PCNX2: variants seen among roughly 807,000 people sequenced by gnomAD.
The protein encoded by PCNX2 is pecanex 2, also known as pecanex-like protein 2.
A neutral mutation model predicts 223.8 loss-of-function variants in PCNX2; 168 were observed. The observed-to-expected ratio is 0.75, with a 90% CI of 0.66 to 0.85. PCNX2 has a LOEUF of 0.85. Ranked by LOEUF, PCNX2 falls within the 40% of genes least tolerant of loss-of-function variation. The pLI, the probability that PCNX2 is intolerant of heterozygous loss-of-function variation, is 0.00. For synonymous variants in PCNX2, 1,006 were observed against 1,052.6 expected (o/e 0.96, Z 0.86); for missense variants, 2,507 against 2,675.5 (o/e 0.94, Z 1.39).
chr1:233,295,284 T>A lies in PCNX2; in HGVS notation c.153+42A>T, dbSNP rs148084496. 7,207 of 1,561,734 alleles carry A rather than the reference T, an allele frequency of 4.6e-3. 28 individuals are homozygous for A. The highest frequency in any genetic ancestry group is 6.1e-3 in the Admixed American group (319 of 52,526). Reference sequence around the variant, plus strand: ...CTGTGGTTCCTTTCTCCTTCTTCCCTCCATACCCACAGCTCCCCGGGACCG... The same window carrying A: ...CTGTGGTTCCTTTCTCCTTCTTCCCACCATACCCACAGCTCCCCGGGACCG... On this transcript the variant is annotated intron_variant, in intron 1 of 33. Coordinates refer to ENST00000258229, the MANE Select transcript of PCNX2 (RefSeq NM_014801.4). The surrounding 1 kb of genome is among the most constrained non-coding windows in gnomAD (Gnocchi z 4.1).
chr1:233,087,852 C>G (rs1353617742), intron 23 of PCNX2, among the ~76,000 whole-genome samples: 1 of 152,114 alleles, frequency 6.6e-6, no homozygotes, highest in African/African-American at 2.4e-5. Context: ...TTGTACATAC[C>G]CACAGACCCT....
At chr1:233,161,180 C>A in intron 18 of PCNX2, 91 bp downstream of exon 18, 5 of 1,190,458 alleles carry the variant, frequency 4.2e-6, no homozygotes, top group Non-Finnish European at 6.1e-6. Flanking sequence ...CTCTGGCTCA[C>A]GTGTCTTGTC....
At chr1:233,186,760 G>C (rs930527053) in intron 15 of PCNX2, among the ~76,000 whole-genome samples, 1 of 152,170 alleles carries the variant, frequency 6.6e-6, no homozygotes, top group Non-Finnish European at 1.5e-5. Context: ...ATATGTTTAT[G>C]AATCAAGACA....
intron 21 of PCNX2, among the ~76,000 whole-genome samples, chr1:233,110,950 A>G (rs1675077359): frequency 6.6e-6 from 1 of 152,132 alleles, no homozygotes; most frequent in Non-Finnish European, 1.5e-5. Context: ...TAAGAGAATG[A>G]CTTTTAAATG....
intron 15 of PCNX2, among the ~76,000 whole-genome samples, chr1:233,187,713 C>G (rs1680186049): frequency 6.6e-6 from 1 of 152,158 alleles, no homozygotes; most frequent in Non-Finnish European, 1.5e-5. Context: ...AGGGTCAATT[C>G]TACTTTTTTG....
intron 23 of PCNX2, among the ~76,000 whole-genome samples, chr1:233,077,747 C>T (rs1307641999): frequency 6.6e-6 from 1 of 151,930 alleles, no homozygotes; most frequent in Admixed American, 6.6e-5. Flanking sequence ...TTAAATTGCC[C>T]TTATTTTTAC....
intron 21 of PCNX2, among the ~76,000 whole-genome samples, chr1:233,117,913 G>C (rs913969327): frequency 6.7e-6 from 1 of 149,476 alleles, no homozygotes; most frequent in African/African-American, 2.5e-5. Flanking sequence ...GGGAGGCTGA[G>C]GCAGGAGAAT....
At chr1:233,291,908 CATGCCCAT>C (rs974073432) in intron 1 of PCNX2, 1 of 985,426 alleles carries the variant, frequency 1.0e-6, no homozygotes, top group African/African-American at 1.7e-5. Flanking sequence ...AGGCCAGAAT[CATGCCCAT>C]ATGCCCCTGC....
intron 1 of PCNX2, among the ~76,000 whole-genome samples, chr1:233,265,646 T>C (rs1572175742): frequency 6.6e-6 from 1 of 152,222 alleles, no homozygotes; most frequent in Non-Finnish European, 1.5e-5. Flanking sequence ...TAGTAAACTT[T>C]TGAGTCATTA....
In PCNX2 at chr1:233,259,038, G is replaced by A. The variant is rs374124476; in HGVS notation, c.824C>T (p.Pro275Leu). 3.5e-5 allele frequency: 56 copies of A among 1,613,784 alleles called. No individual in the cohort carries two copies. Among genetic ancestry groups the A allele is most frequent in the Admixed American group, 6.7e-5 (4 of 60,002 alleles). Reference protein sequence around the residue: ...DLLETDVSFQPWGSENSVLIP... With the variant: ...DLLETDVSFQLWGSENSVLIP... ...CAGGACTGAATTCTCACTCCCCCAC[G>A]GCTGGAAAGAAACGTCTGTTTCTAG... is the stretch of plus-strand genomic sequence containing the variant. Residue 275 changes from proline to leucine, a missense_variant, in exon 5 of 34, where the codon CCG becomes CTG. Transcript: ENST00000258229.
Position 233,033,342 on chromosome 1 carries a change from G to A in PCNX2, c.4352-7943C>T, listed in dbSNP as rs568466105. ...TGCAAATGAGAGGTAAGAAAAATAC[G>A]AACACAGAAACAATGTCAAGGGTCC... On this transcript the variant is annotated intron_variant, in intron 25 of 33. Transcript: ENST00000258229. 88 of 309,662 alleles carry A rather than the reference G, an allele frequency of 2.8e-4. No individual in the cohort carries two copies. In the South Asian group the frequency reaches 9.1e-3, roughly 32 times the overall value. 19.2% of individuals were successfully genotyped at this position (309,662 alleles called of 1,614,324 possible). A position where few individuals can be genotyped will look rare whatever the true frequency, so the allele number is the denominator to read the frequency against.
At chr1:233,003,516 G>C (rs1177752655) in intron 28 of PCNX2, among the ~76,000 whole-genome samples, 2 of 152,202 alleles carry the variant, frequency 1.3e-5, no homozygotes, top group African/African-American at 4.8e-5. Flanking sequence ...ATGCTGGAGA[G>C]GATATGGAGA....
intron 26 of PCNX2, chr1:233,018,931 G>T (rs3766482): frequency 2.0e-6 from 2 of 985,074 alleles, no homozygotes; most frequent in Non-Finnish European, 1.2e-6. Context: ...GGACGGAAAC[G>T]AAGTCTTCAG....
At chr1:233,248,075 G>T (rs568082886) in intron 8 of PCNX2, among the ~76,000 whole-genome samples, 1 of 152,290 alleles carries the variant, frequency 6.6e-6, no homozygotes, top group Admixed American at 6.5e-5. Context: ...AAAGCTAGGG[G>T]TGACTAGGGC....
chr1:233,289,913 G>C (rs1313747930), intron 1 of PCNX2, among the ~76,000 whole-genome samples: 1 of 152,204 alleles, frequency 6.6e-6, no homozygotes. Context: ...CCTGCTGACA[G>C]GATTAAATGG....
intron 23 of PCNX2, among the ~76,000 whole-genome samples, chr1:233,064,349 C>T (rs557861651): frequency 7.9e-5 from 12 of 152,210 alleles, no homozygotes; most frequent in Admixed American, 4.6e-4. Context: ...ACTCCAAGCC[C>T]GCATGTGACA....
At chr1:233,060,802 T>C (rs12087998) in intron 23 of PCNX2, among the ~76,000 whole-genome samples, 43,008 of 152,126 alleles carry the variant, frequency 0.28, 6,396 homozygotes, top group African/African-American at 0.37. Context: ...AAAGTCACTG[T>C]GCATTGCTGG....
chr1:233,262,896 C>T, intron 2 of PCNX2, 62 bp downstream of exon 2: 5 of 1,520,574 alleles, frequency 3.3e-6, no homozygotes, highest in Non-Finnish European at 4.5e-6. Context: ...TGATAAAAAA[C>T]TTATTTTAAT....
chr1:233,089,576 A>G (rs570021144), intron 23 of PCNX2, among the ~76,000 whole-genome samples: 1 of 152,332 alleles, frequency 6.6e-6, no homozygotes, highest in Admixed American at 6.5e-5. Context: ...AATCATCTTC[A>G]CTTTTATGCC....
Sources: gnomAD v4.1 joint callset for allele counts (sites outside exome capture counted in the v4.1 genomes callset) on GRCh38, gnomAD v4.1.1 for gene constraint, Gnocchi (gnomAD v3.1) non-coding constraint, MANE v1.5 for transcripts, NCBI Gene and HGNC (gene_info 2026-07-23, HGNC 2026-07-21) for gene names.